Variants in PIP5K1A observed in about 807,000 individuals in gnomAD.
PIP5K1A encodes the protein phosphatidylinositol-4-phosphate 5-kinase type 1 alpha.
PIP5K1A carries 46 observed loss-of-function variants against 72.9 expected under a neutral mutation model. The ratio of observed to expected loss-of-function variants is 0.63; its 90% CI spans 0.50 to 0.81. PIP5K1A has a LOEUF of 0.81. Ranked by LOEUF, PIP5K1A falls within the 30% of genes least tolerant of loss-of-function variation. The pLI is 0.00. For synonymous variants in PIP5K1A, 228 were observed against 255.1 expected (o/e 0.89, Z 1.01); for missense variants, 458 against 706.1 (o/e 0.65, Z 3.98).
At chr1:151,211,123 A>G (rs1686738031) in intron 1 of PIP5K1A, among the ~76,000 whole-genome samples, 1 of 152,174 alleles carries the variant, frequency 6.6e-6, no homozygotes, top group African/African-American at 2.4e-5. Context: ...TTCTGCTCTG[A>G]AAGTGCAGGG....
chr1:151,241,914 T>C (rs1336154995), intron 12 of PIP5K1A, among the ~76,000 whole-genome samples: 1 of 152,166 alleles, frequency 6.6e-6, no homozygotes, highest in Non-Finnish European at 1.5e-5. Flanking sequence ...TCCTTTCTTC[T>C]AGGTTTTCAT....
At chr1:151,223,225 C>T (rs1430351408) in intron 1 of PIP5K1A, among the ~76,000 whole-genome samples, 8 of 152,002 alleles carry the variant, frequency 5.3e-5, no homozygotes, top group Non-Finnish European at 1.5e-5. Context: ...GTGGCGGGCA[C>T]CTGTAATCCC....
intron 14 of PIP5K1A, among the ~76,000 whole-genome samples, chr1:151,245,997 G>A (rs1174012748): frequency 6.6e-6 from 1 of 152,014 alleles, no homozygotes; most frequent in Non-Finnish European, 1.5e-5. Context: ...CTATAATCCT[G>A]GCACTTTGGG....
At chr1:151,198,545 G>A (rs894579689), upstream of PIP5K1A, 3 of 199,372 alleles carry the variant, frequency 1.5e-5, no homozygotes, top group Admixed American at 5.5e-5. Flanking sequence ...CGCATGCGCA[G>A]TGCTCGGATT....
In PIP5K1A at chr1:151,242,425, A is replaced by AT; in HGVS notation, c.1511-12dup. On this transcript the variant is annotated splice_polypyrimidine_tract_variant and intron_variant, in intron 13 of 15. Transcript: ENST00000368888. Reference sequence around the variant, plus strand: ...GTATTTACTGTACCCCATCTTCTCTATCTTTTTTCCAGGCGTTCACCTTGG... The same window carrying AT: ...GTATTTACTGTACCCCATCTTCTCTATTCTTTTTTCCAGGCGTTCACCTTGG... 6.2e-7 allele frequency: 1 copy of AT among 1,613,832 alleles called. No homozygotes were observed. The highest frequency in any genetic ancestry group is 8.5e-7 in the Non-Finnish European group (1 of 1,179,916).
At chr1:151,234,131 A>T in intron 7 of PIP5K1A, 66 bp from the exon 8 acceptor site, 4 of 1,260,236 alleles carry the variant, frequency 3.2e-6, no homozygotes, top group Non-Finnish European at 4.5e-6. Flanking sequence ...GGTAACTTTT[A>T]CTGGTGAGTT....
chr1:151,225,886 C>T (rs1364373280), intron 3 of PIP5K1A, among the ~76,000 whole-genome samples: 1 of 151,284 alleles, frequency 6.6e-6, no homozygotes, highest in African/African-American at 2.4e-5. Context: ...AAGTGATTCT[C>T]CCGCCTCAGC....
Position 151,199,504 on chromosome 1 carries a change from C to G in PIP5K1A, c.85+423C>G, listed in dbSNP as rs187264690. ...TGGCGTGCATCTGTAATCCCAGCTA[C>G]TTGGGAGGCTGAGGCAGGATAATCC... is the stretch of plus-strand genomic sequence containing the variant. On this transcript the variant is annotated intron_variant, in intron 1 of 15. Coordinates refer to ENST00000368888, the MANE Select transcript of PIP5K1A (RefSeq NM_001135638.2). 1.1e-3 allele frequency among the ~76,000 whole-genome samples: 167 copies of G among 151,810 alleles called. 1 individual carries two copies. Among genetic ancestry groups the G allele is most frequent in the African/African-American group, 3.7e-3 (155 of 41,402 alleles).
chr1:151,244,582 G>A (rs1038566269), intron 14 of PIP5K1A, among the ~76,000 whole-genome samples: 2 of 152,206 alleles, frequency 1.3e-5, no homozygotes, highest in Admixed American at 6.5e-5. Flanking sequence ...CTCGAACCCC[G>A]GAGGCAGTGG....
In PIP5K1A at chr1:151,236,629, A is replaced by G. The variant is rs754223006; in HGVS notation, c.1011A>G (p.Arg337=). The part of the protein sequence containing the change: ...MSIHNIDHAQ[R]EPLSSETQYS... ...TCCATAATATAGATCATGCACAACG[A>G]GAGCCCTTAAGCAGTGAAACACAGT... Residue 337 remains arginine, a synonymous_variant, in exon 9 of 16, where the codon CGA becomes CGG. Coordinates refer to ENST00000368888, the MANE Select transcript of PIP5K1A (RefSeq NM_001135638.2). 6.2e-6 allele frequency: 10 copies of G among 1,613,350 alleles called. No individual in the cohort carries two copies. Among genetic ancestry groups the G allele is most frequent in the East Asian group, 2.2e-5 (1 of 44,868 alleles).
intron 3 of PIP5K1A, 44 bp from the exon 4 acceptor site, chr1:151,227,276 T>C (rs1460048012): frequency 1.8e-6 from 2 of 1,124,268 alleles, no homozygotes; most frequent in African/African-American, 3.1e-5. Context: ...AGCTATTTGG[T>C]GTCTTACATG....
chr1:151,224,575 A>G (rs1413989630), intron 3 of PIP5K1A, among the ~76,000 whole-genome samples, 169 bp downstream of exon 3: 1 of 152,214 alleles, frequency 6.6e-6, no homozygotes, highest in Admixed American at 6.6e-5. Flanking sequence ...TCAAACAACT[A>G]CAGTGAGGCA....
At chr1:151,213,342 G>A (rs1295030957) in intron 1 of PIP5K1A, among the ~76,000 whole-genome samples, 1 of 152,118 alleles carries the variant, frequency 6.6e-6, no homozygotes, top group Non-Finnish European at 1.5e-5. Flanking sequence ...GACTTGACTG[G>A]TTCTGCTGTT....
In PIP5K1A at chr1:151,242,448, T is replaced by C. The variant is rs1691884083; in HGVS notation, c.1521T>C (p.Leu507=). The change falls in exon 14 of 16, where the codon CTT becomes CTC. Residue 507 remains leucine, a synonymous_variant. Transcript: ENST00000368888. ...CTATCTTTTTTCCAGGCGTTCACCTTGGTCGTCCTGATGTTTTACCTCAGA... is the reference window on the plus strand; with the variant it reads ...CTATCTTTTTTCCAGGCGTTCACCTCGGTCGTCCTGATGTTTTACCTCAGA... ...TKAEVEPGVH[L]GRPDVLPQTP... is the part of the protein sequence containing the mutation. 1 of 1,614,070 alleles carries C rather than the reference T, an allele frequency of 6.2e-7. No individual in the cohort carries two copies. Among genetic ancestry groups the C allele is most frequent in the Non-Finnish European group, 8.5e-7 (1 of 1,180,028 alleles).
chr1:151,239,751 C>T (rs1404453272), intron 11 of PIP5K1A, among the ~76,000 whole-genome samples: 1 of 152,186 alleles, frequency 6.6e-6, no homozygotes, highest in Non-Finnish European at 1.5e-5. Flanking sequence ...TGGTGTCGAA[C>T]TCCTGACCTC....
chr1:151,232,190 T>C lies in PIP5K1A; in HGVS notation c.369-58T>C. The stretch of plus-strand genomic sequence containing the variant: ...GGTGACTCTGAGTGTCTTCGCAAGG[T>C]AGATTCTCTGGATGATAGGGACTGG... On this transcript the variant is annotated intron_variant, in intron 5 of 15. Transcript: ENST00000368888. The C allele has an allele frequency of 2.6e-6, 3 of 1,146,028 alleles. No homozygotes were observed. The African/African-American group carries it at 4.5e-5, about 17-fold the overall frequency. The allele number at this position is 1,146,028 out of a possible 1,614,324, so 71.0% of individuals were successfully genotyped here. A position where few individuals can be genotyped will look rare whatever the true frequency, so the allele number is the denominator to read the frequency against.
intron 1 of PIP5K1A, among the ~76,000 whole-genome samples, chr1:151,215,787 C>T (rs1215178673): frequency 1.3e-5 from 2 of 152,118 alleles, no homozygotes; most frequent in Non-Finnish European, 2.9e-5. Context: ...ATTTTTTGAA[C>T]ATTTACCTAG....
intron 1 of PIP5K1A, among the ~76,000 whole-genome samples, chr1:151,200,413 G>C (rs1334087715): frequency 6.9e-6 from 1 of 144,736 alleles, no homozygotes; most frequent in Middle Eastern, 3.6e-3. Context: ...GTGTGTATGT[G>C]TGTCGGGTGG....
At chr1:151,211,839 C>T (rs956866180) in intron 1 of PIP5K1A, among the ~76,000 whole-genome samples, 1 of 150,198 alleles carries the variant, frequency 6.7e-6, no homozygotes. Flanking sequence ...TGCGGTGGCT[C>T]ACGCCTGTAA....
Sources: gnomAD v4.1 joint callset for allele counts (sites outside exome capture counted in the v4.1 genomes callset) on GRCh38, gnomAD v4.1.1 for gene constraint, MANE v1.5 for transcripts, NCBI Gene and HGNC (gene_info 2026-07-23, HGNC 2026-07-21) for gene names.